Variants in PDE1C observed in about 807,000 individuals in gnomAD.
PDE1C encodes phosphodiesterase 1C, also known as dual specificity calcium/calmodulin-dependent 3',5'-cyclic nucleotide phosphodiesterase 1C.
Under a neutral mutation model 93.1 loss-of-function variants are expected in PDE1C, and 62 were observed. The observed-to-expected ratio is 0.67, with a 90% CI of 0.54 to 0.82. The LOEUF is 0.82. PDE1C is among the 40% of genes least tolerant of loss of function. The pLI is 0.00. For missense variants in PDE1C, 742 were observed against 884.6 expected, an observed-to-expected ratio of 0.84 and a Z score of 2.04; for synonymous variants, 325 against 310.1, an observed-to-expected ratio of 1.05 and a Z score of -0.50.
intron 2 of PDE1C, among the ~76,000 whole-genome samples, chr7:31,971,496 C>T (rs1020235683): frequency 4.6e-5 from 7 of 152,130 alleles, no homozygotes; most frequent in African/African-American, 7.2e-5. Flanking sequence ...GCATATAAAG[C>T]GCTTAGTGCT....
At chr7:31,733,677 A>G in the PDE1C span, among the ~76,000 whole-genome samples, 1 of 152,164 alleles carries the variant, frequency 6.6e-6, no homozygotes, top group African/African-American at 2.4e-5. Context: ...TTTTGAAGTT[A>G]TTACTAAAAC....
At chr7:32,243,799 G>A (rs181244968) in intron 1 of PDE1C, among the ~76,000 whole-genome samples, 13 of 152,334 alleles carry the variant, frequency 8.5e-5, no homozygotes, top group Admixed American at 8.5e-4. Flanking sequence ...AGCAAAGACT[G>A]TTGAGCCCTT....
chr7:31,741,019 G>A, the PDE1C span, among the ~76,000 whole-genome samples: 12 of 150,670 alleles, frequency 8.0e-5, no homozygotes, highest in East Asian at 2.2e-3. Flanking sequence ...CAGTGATCAT[G>A]CCACTGCACT....
At position 31,968,225 on chromosome 7, in the gene PDE1C, A is replaced by C. The variant is rs562361005; in HGVS notation, c.128+83329T>G. 1.8e-4 allele frequency among the ~76,000 whole-genome samples: 28 copies of C among 152,346 alleles called. No homozygotes were observed. In the East Asian group the frequency reaches 5.4e-3, roughly 29 times the overall value. On this transcript the variant is annotated intron_variant, in intron 2 of 17. Coordinates refer to ENST00000396191, the MANE Select transcript of PDE1C (RefSeq NM_001191057.4). ...CTAGAAAACCCCATCGTCTCAGCCC[A>C]AAATCTCCTTAAGCTAATAAGCAAC...
chr7:32,002,302 A>T (rs536241383), intron 2 of PDE1C, among the ~76,000 whole-genome samples: 6 of 152,336 alleles, frequency 3.9e-5, no homozygotes, highest in Middle Eastern at 6.8e-3. Flanking sequence ...ATTCATAAAT[A>T]TCTACAGGGA....
chr7:32,066,977 C>T (rs761913641), intron 1 of PDE1C, among the ~76,000 whole-genome samples: 3 of 152,170 alleles, frequency 2.0e-5, no homozygotes, highest in Admixed American at 2.0e-4. Flanking sequence ...GCGTAAGCAG[C>T]ATCAGGGCCA....
intron 1 of PDE1C, among the ~76,000 whole-genome samples, chr7:32,233,258 G>A (rs1807833944): frequency 6.6e-6 from 1 of 152,070 alleles, no homozygotes; most frequent in East Asian, 1.9e-4. Flanking sequence ...AGAGTAGGCA[G>A]GAAAGGGAAA....
chr7:32,051,283 T>C (rs1793322746), intron 2 of PDE1C, among the ~76,000 whole-genome samples: 1 of 152,128 alleles, frequency 6.6e-6, no homozygotes, highest in Non-Finnish European at 1.5e-5. Flanking sequence ...TGGTCAAGGT[T>C]TTAGGAAAAT....
chr7:32,062,586 C>T (rs1794940883), intron 1 of PDE1C, among the ~76,000 whole-genome samples: 1 of 152,186 alleles, frequency 6.6e-6, no homozygotes, highest in Non-Finnish European at 1.5e-5. Flanking sequence ...TCAGAGAAGC[C>T]TTCTCTGAAT....
intron 3 of PDE1C, among the ~76,000 whole-genome samples, chr7:32,119,684 C>T (rs570737888): frequency 1.1e-4 from 17 of 152,244 alleles, no homozygotes; most frequent in African/African-American, 3.6e-4. Flanking sequence ...GAGAGCCACA[C>T]GGGGCAAGGA....
At chr7:31,744,602 A>G in the PDE1C span, among the ~76,000 whole-genome samples, 1 of 152,176 alleles carries the variant, frequency 6.6e-6, no homozygotes, top group African/African-American at 2.4e-5. Context: ...CTTAATCATC[A>G]TGGCTTCAAT....
intron 16 of PDE1C, among the ~76,000 whole-genome samples, chr7:31,781,919 A>G (rs1028287862): frequency 6.6e-6 from 1 of 152,108 alleles, no homozygotes; most frequent in Non-Finnish European, 1.5e-5. Context: ...TGGCTTTCAA[A>G]ATATTTGAAT....
At chr7:31,695,150 T>TC in the PDE1C span, among the ~76,000 whole-genome samples, 63,696 of 151,886 alleles carry the variant, frequency 0.42, 14,684 homozygotes, top group East Asian at 0.68. Context: ...GAACCTATTC[T>TC]CCCATCAGAA....
At chr7:31,707,589 A>T in the PDE1C span, 1 of 309,112 alleles carries the variant, frequency 3.2e-6, no homozygotes, top group Non-Finnish European at 6.0e-6. Flanking sequence ...CATCTTCTGG[A>T]TCAATTCACG....
At chr7:32,229,855 T>C (rs1807565375) in intron 1 of PDE1C, among the ~76,000 whole-genome samples, 1 of 152,198 alleles carries the variant, frequency 6.6e-6, no homozygotes, top group African/African-American at 2.4e-5. Context: ...CTAACAAGAA[T>C]CTAACAAGAG....
intron 2 of PDE1C, among the ~76,000 whole-genome samples, chr7:32,201,582 A>C (rs1383383190): frequency 1.3e-5 from 2 of 152,184 alleles, no homozygotes; most frequent in Non-Finnish European, 2.9e-5. Flanking sequence ...CCATCAAAGC[A>C]AGAGAGATAG....
chr7:32,354,338 A>G (rs1298366151), intron 1 of PDE1C, among the ~76,000 whole-genome samples: 2 of 152,188 alleles, frequency 1.3e-5, no homozygotes, highest in Admixed American at 1.3e-4. Flanking sequence ...CTAACTTTAA[A>G]AGTTTGGGCC....
At chr7:31,983,239 C>T (rs1359115677) in intron 2 of PDE1C, among the ~76,000 whole-genome samples, 1 of 152,188 alleles carries the variant, frequency 6.6e-6, no homozygotes, top group Non-Finnish European at 1.5e-5. Context: ...CAATGAAGTT[C>T]TAATGCCTAC....
At chr7:31,791,974 T>A (rs1321603225) in intron 16 of PDE1C, among the ~76,000 whole-genome samples, 1 of 152,080 alleles carries the variant, frequency 6.6e-6, no homozygotes, top group African/African-American at 2.4e-5. Flanking sequence ...CCCCTCCAGC[T>A]TTGTGTCAAG....
Sources: gnomAD v4.1 joint callset for allele counts (sites outside exome capture counted in the v4.1 genomes callset) on GRCh38, gnomAD v4.1.1 for gene constraint, MANE v1.5 for transcripts, NCBI Gene and HGNC (gene_info 2026-07-23, HGNC 2026-07-21) for gene names.